The following ARFGEF1 variants were observed in gnomAD, a reference collection of about 807,000 sequenced individuals.
ARFGEF1 encodes the protein ARF guanine nucleotide exchange factor 1, also known as brefeldin A-inhibited guanine nucleotide-exchange protein 1.
In ARFGEF1, 42 loss-of-function variants were observed where a neutral mutation model predicts 231.0. The ratio of observed to expected loss-of-function variants is 0.18; its 90% CI spans 0.14 to 0.24. The LOEUF (loss-of-function observed/expected upper bound fraction) is 0.24, where lower values mean the gene tolerates loss of function less well. Ranked by LOEUF, ARFGEF1 falls within the 10% of genes least tolerant of loss-of-function variation. The pLI is 1.00. For missense variants in ARFGEF1, 1,345 were observed against 2,192.0 expected, an observed-to-expected ratio of 0.61 and a Z score of 7.72; for synonymous variants, 710 against 732.3, an observed-to-expected ratio of 0.97 and a Z score of 0.49.
rs61753696 is a variant in ARFGEF1 at position 67,301,242 on chromosome 8, T to G, written c.294A>C (p.Thr98=). 13,337 of 1,612,352 alleles carry G rather than the reference T, an allele frequency of 8.3e-3. 66 individuals are homozygous for G. The highest frequency in any genetic ancestry group is 0.015 in the Middle Eastern group (92 of 6,056). ...CQSKCPRIVS[T]SLDCLQKLIA... ...GACATACCTGTAAGCAATCTAGAGA[T>G]GTACTAACTATGCGAGGACATTTGG... Residue 98 remains threonine (T), a synonymous_variant, in exon 3 of 39, where the codon ACA becomes ACC. Transcript: ENST00000262215.
chr8:67,279,841 ACAGG>A (rs2128902018), intron 7 of ARFGEF1, among the ~76,000 whole-genome samples: 1 of 152,338 alleles, frequency 6.6e-6, no homozygotes, highest in South Asian at 2.1e-4. Context: ...TTTGAGATAT[ACAGG>A]AAGCACTTAA....
intron 5 of ARFGEF1, among the ~76,000 whole-genome samples, chr8:67,185,162 G>C (rs1227032396): frequency 6.6e-6 from 1 of 151,604 alleles, no homozygotes; most frequent in African/African-American, 2.4e-5. Flanking sequence ...CATAGTCCAA[G>C]AGCCTGGTGT....
intron 1 of ARFGEF1, among the ~76,000 whole-genome samples, chr8:67,308,684 A>C (rs1587279934): frequency 6.6e-6 from 1 of 152,178 alleles, no homozygotes; most frequent in African/African-American, 2.4e-5. Context: ...TATTTTTATA[A>C]GGCACTTATT....
chr8:67,250,208 A>G (rs1026889087), intron 19 of ARFGEF1, among the ~76,000 whole-genome samples: 1 of 152,186 alleles, frequency 6.6e-6, no homozygotes, highest in East Asian at 1.9e-4. Flanking sequence ...AGAAGCTGGC[A>G]TTTCATTTGG....
intron 19 of ARFGEF1, among the ~76,000 whole-genome samples, chr8:67,249,599 TCAGAG>T (rs1840213004): frequency 1.3e-5 from 2 of 150,224 alleles, no homozygotes; most frequent in Non-Finnish European, 3.0e-5. Context: ...TGCAGAACTC[TCAGAG>T]AGGGTGATAT....
intron 5 of ARFGEF1, among the ~76,000 whole-genome samples, chr8:67,189,032 G>A (rs1057004191): frequency 6.6e-6 from 1 of 152,140 alleles, no homozygotes; most frequent in Non-Finnish European, 1.5e-5. Flanking sequence ...ACAAGGACCC[G>A]CCTGGTAACA....
chr8:67,334,260 T>A (rs527687304), intron 1 of ARFGEF1, among the ~76,000 whole-genome samples: 13 of 149,132 alleles, frequency 8.7e-5, no homozygotes, highest in African/African-American at 3.0e-4. Context: ...TATTTCATTA[T>A]GTATATGCAA....
At chr8:67,184,744 T>TAATA (rs1554621539) in intron 5 of ARFGEF1, among the ~76,000 whole-genome samples, 2,678 of 142,480 alleles carry the variant, frequency 0.019, 58 homozygotes, top group African/African-American at 0.032. Context: ...AATAAAAAAA[T>TAATA]ATAATAATAA....
At chr8:67,304,395 G>A (rs2128917482) in intron 1 of ARFGEF1, among the ~76,000 whole-genome samples, 1 of 152,260 alleles carries the variant, frequency 6.6e-6, no homozygotes, top group Admixed American at 6.5e-5. Context: ...AAGGCAGATA[G>A]TATAAAAATA....
At chr8:67,186,049 C>G (rs1227268886) in intron 5 of ARFGEF1, among the ~76,000 whole-genome samples, 2 of 152,204 alleles carry the variant, frequency 1.3e-5, no homozygotes, top group African/African-American at 4.8e-5. Context: ...AGAATTGCTT[C>G]TGGATGATTG....
chr8:67,327,172 G>A (rs1199818504), intron 1 of ARFGEF1, among the ~76,000 whole-genome samples: 13 of 152,020 alleles, frequency 8.6e-5, no homozygotes, highest in Admixed American at 7.2e-4. Context: ...ACTTCAATAA[G>A]CCCACTACTT....
chr8:67,299,781 C>T (rs1806395732), intron 3 of ARFGEF1, among the ~76,000 whole-genome samples: 1 of 151,962 alleles, frequency 6.6e-6, no homozygotes. Context: ...GGCCAGCTGG[C>T]AACACAGGGA....
intron 23 of ARFGEF1, among the ~76,000 whole-genome samples, chr8:67,232,252 T>C (rs1587094963): frequency 6.6e-6 from 1 of 152,086 alleles, no homozygotes; most frequent in African/African-American, 2.4e-5. Flanking sequence ...TTTGGGGGCA[T>C]TTATCTAGAA....
chr8:67,189,698 G>C (rs1484407027), intron 5 of ARFGEF1, among the ~76,000 whole-genome samples: 1 of 152,118 alleles, frequency 6.6e-6, no homozygotes, highest in Non-Finnish European at 1.5e-5. Context: ...GAAATATTGA[G>C]AGACAAAATG....
At chr8:67,278,124 T>A (rs1291682963) in intron 7 of ARFGEF1, among the ~76,000 whole-genome samples, 1 of 152,150 alleles carries the variant, frequency 6.6e-6, no homozygotes, top group East Asian at 1.9e-4. Flanking sequence ...ATAATGAAAA[T>A]AATACCAAGT....
intron 29 of ARFGEF1, 90 bp downstream of exon 29, chr8:67,224,813 T>C: frequency 1.1e-6 from 1 of 903,428 alleles, no homozygotes. Context: ...TTTTATGGTC[T>C]TTAACTGTGA....
intron 5 of ARFGEF1, among the ~76,000 whole-genome samples, chr8:67,192,082 T>G (rs1395742065): frequency 5.3e-5 from 8 of 151,056 alleles, no homozygotes; most frequent in Non-Finnish European, 8.8e-5. Flanking sequence ...TTTTTTGTTT[T>G]TTTTTTTTGA....
intron 5 of ARFGEF1, chr8:67,175,670 G>T: frequency 1.6e-6 from 1 of 639,598 alleles, no homozygotes; most frequent in Non-Finnish European, 2.9e-6. Flanking sequence ...ATTCACTGTA[G>T]CCAGGAGGAC....
chr8:67,215,368 G>GGGTA (rs528246871), intron 33 of ARFGEF1, among the ~76,000 whole-genome samples: 66 of 152,252 alleles, frequency 4.3e-4, no homozygotes, highest in Admixed American at 1.2e-3. Context: ...AGGTGTCAGT[G>GGGTA]GGTAGACCAT....
Sources: allele counts gnomAD v4.1 joint callset (sites outside exome capture counted in the v4.1 genomes callset), GRCh38; gene constraint gnomAD v4.1.1; transcripts MANE v1.5; gene names NCBI Gene and HGNC (gene_info 2026-07-23, HGNC 2026-07-21).